EIF2D: variants seen among roughly 807,000 people sequenced by gnomAD.
EIF2D encodes the protein eukaryotic translation initiation factor 2D, also known as hepatocellular carcinoma-associated antigen 56.
EIF2D carries 56 observed loss-of-function variants against 77.4 expected under a neutral mutation model. That is an observed-to-expected ratio of 0.72 (90% CI 0.58 to 0.90). The LOEUF is 0.90. Ranked by LOEUF, EIF2D falls within the 40% of genes least tolerant of loss-of-function variation. The probability of loss-of-function intolerance (pLI) is 0.00; values close to 1 mark genes in which losing one functional copy is unlikely to be tolerated. For missense variants in EIF2D, 574 were observed against 706.5 expected, an observed-to-expected ratio of 0.81 and a Z score of 2.13; for synonymous variants, 230 against 271.0, an observed-to-expected ratio of 0.85 and a Z score of 1.49.
intron 11 of EIF2D, among the ~76,000 whole-genome samples, chr1:206,598,262 C>A (rs1165021301): frequency 6.6e-6 from 1 of 151,630 alleles, no homozygotes; most frequent in Non-Finnish European, 1.5e-5. Context: ...GGTCTCAAAC[C>A]CCTGGCCTCA....
downstream of EIF2D, among the ~76,000 whole-genome samples, chr1:206,589,796 AT>A (rs556741524): frequency 1.0e-3 from 158 of 152,344 alleles, 3 homozygotes; most frequent in South Asian, 0.015. Flanking sequence ...AAATAACCAC[AT>A]TAAATTATTA....
intron 5 of EIF2D, 175 bp from the exon 6 acceptor site, chr1:206,603,379 T>A: frequency 1.3e-6 from 1 of 755,192 alleles, no homozygotes; most frequent in Admixed American, 3.0e-5. Context: ...TCTGGGCCCC[T>A]AAAAGTTCCA....
rs782708574 is a variant in EIF2D at position 206,611,180 on chromosome 1, A to C, written c.247+4T>G. The C allele has an allele frequency of 1.2e-6, 2 of 1,609,742 alleles. No individual in the cohort carries two copies. Among genetic ancestry groups the C allele is most frequent in the African/African-American group, 2.7e-5 (2 of 74,872 alleles). ...TAATGGCCATCTTCGTCCTGTTGTCATACCTGTTGGATACAGATTTTTCTC... is the reference window on the plus strand; with the variant it reads ...TAATGGCCATCTTCGTCCTGTTGTCCTACCTGTTGGATACAGATTTTTCTC... On this transcript the variant is annotated splice_donor_region_variant and intron_variant, in intron 2 of 14. Transcript: ENST00000271764.
At chr1:206,608,708 A>G (rs1670320021) in intron 3 of EIF2D, among the ~76,000 whole-genome samples, 1 of 152,184 alleles carries the variant, frequency 6.6e-6, no homozygotes. Context: ...CAGAAGTGGG[A>G]ACCTTGACTT....
chr1:206,590,515 G>T (rs1379323881), downstream of EIF2D, among the ~76,000 whole-genome samples: 3 of 152,208 alleles, frequency 2.0e-5, no homozygotes, highest in African/African-American at 7.2e-5. Context: ...ACTCTGGCAG[G>T]CCAAAGGCTT....
intron 8 of EIF2D, 129 bp downstream of exon 8, chr1:206,600,134 C>A: frequency 1.1e-6 from 1 of 947,198 alleles, no homozygotes; most frequent in Non-Finnish European, 1.6e-6. Flanking sequence ...CCCCCTTATA[C>A]TTGGAGTCAA....
At chr1:206,590,674 CCA>C (rs1225092232), downstream of EIF2D, among the ~76,000 whole-genome samples, 1 of 152,156 alleles carries the variant, frequency 6.6e-6, no homozygotes, top group Non-Finnish European at 1.5e-5. Context: ...GTAGGAGGCG[CCA>C]CACACACATT....
chr1:206,603,866 G>T (rs189114975), intron 5 of EIF2D, among the ~76,000 whole-genome samples: 10 of 152,318 alleles, frequency 6.6e-5, no homozygotes, highest in African/African-American at 2.2e-4. Context: ...TTAACTAATA[G>T]TTACGGCAAG....
chr1:206,608,162 TA>T, intron 4 of EIF2D, 73 bp downstream of exon 4: 2 of 1,412,124 alleles, frequency 1.4e-6, no homozygotes, highest in Non-Finnish European at 2.0e-6. Context: ...ATATGCTTTA[TA>T]AGTTGTCATT....
intron 2 of EIF2D, among the ~76,000 whole-genome samples, chr1:206,582,360 G>A (rs1447836935): frequency 6.6e-6 from 1 of 152,184 alleles, no homozygotes; most frequent in African/African-American, 2.4e-5. Flanking sequence ...TCTCACAGGA[G>A]GAACACAATG....
intron 7 of EIF2D, 74 bp from the exon 8 acceptor site, chr1:206,600,382 G>T: frequency 7.0e-7 from 1 of 1,423,080 alleles, no homozygotes; most frequent in Non-Finnish European, 9.8e-7. Context: ...TGAGAGGAGG[G>T]CCTTTTTCCT....
At chr1:206,612,166 C>A (rs1670528470) in intron 1 of EIF2D, 121 bp downstream of exon 1, 1 of 1,380,308 alleles carries the variant, frequency 7.2e-7, no homozygotes, top group Non-Finnish European at 1.0e-6. Context: ...GGTCCCTTCC[C>A]TGGCATACCC....
At chr1:206,609,491 A>G in intron 2 of EIF2D, 32 bp from the exon 3 acceptor site, 1 of 1,570,166 alleles carries the variant, frequency 6.4e-7, no homozygotes, top group East Asian at 2.2e-5. Flanking sequence ...AAACACTACT[A>G]CCAAAAAGCC....
At position 206,612,358 on chromosome 1, in the gene EIF2D, C is replaced by G; in HGVS notation, c.-16G>C. ...TGGCAAACATGTCTGCTGGGGTGGC[C>G]TGGGGAAGAGAGCACAGAAGCCAGG... On this transcript the variant is annotated 5_prime_UTR_variant, in exon 1 of 15. Transcript: ENST00000271764. The G allele has an allele frequency of 6.2e-7, 1 of 1,614,254 alleles. No individual in the cohort carries two copies. Among genetic ancestry groups the G allele is most frequent in the East Asian group, 2.2e-5 (1 of 44,888 alleles).
chr1:206,604,041 T>C (rs1432673012), intron 5 of EIF2D, among the ~76,000 whole-genome samples: 1 of 152,152 alleles, frequency 6.6e-6, no homozygotes, highest in Non-Finnish European at 1.5e-5. Flanking sequence ...AGACTGATAG[T>C]TAAACAACAA....
intron 13 of EIF2D, chr1:206,595,413 A>C (rs1258260415): frequency 5.4e-6 from 1 of 186,434 alleles, no homozygotes; most frequent in Admixed American, 5.8e-5. Context: ...AGGTGAAAGA[A>C]TATGTGGGAG....
chr1:206,590,922 A>T (rs1669321283), downstream of EIF2D, among the ~76,000 whole-genome samples: 1 of 152,230 alleles, frequency 6.6e-6, no homozygotes, highest in African/African-American at 2.4e-5. Flanking sequence ...CCATAAACTG[A>T]GCAGGGACCA....
Position 206,599,793 on chromosome 1 carries a change from T to C in EIF2D, c.992A>G (p.Gln331Arg), listed in dbSNP as rs782651039. The C allele has an allele frequency of 1.5e-5, 24 of 1,613,928 alleles. No homozygotes were observed. Among genetic ancestry groups the C allele is most frequent in the Non-Finnish European group, 1.9e-5 (22 of 1,180,004 alleles). The part of the protein sequence containing the change: ...LQQMQQEQII[Q>R]VKELSKGVES... ...CACCCCTTTGCTCAGCTCCTTCACC[T>C]GTATAATCTGCTCCTGCTGCATTTG... The change falls in exon 9 of 15, where the codon CAG becomes CGG. Residue 331 changes from glutamine to arginine, a missense_variant. Gln to Arg is a conservative substitution (Grantham distance 43, BLOSUM62 1). Transcript: ENST00000271764. This position sits in a 1 kb window ranked among gnomAD's most constrained non-coding sequence, Gnocchi z 4.1.
intron 5 of EIF2D, among the ~76,000 whole-genome samples, chr1:206,603,873 C>T (rs1670053200): frequency 6.6e-6 from 1 of 152,184 alleles, no homozygotes; most frequent in African/African-American, 2.4e-5. Context: ...ATAGTTACGG[C>T]AAGGCTTCTC....
Sources: gnomAD v4.1 joint callset for allele counts (sites outside exome capture counted in the v4.1 genomes callset) on GRCh38, gnomAD v4.1.1 for gene constraint, Gnocchi (gnomAD v3.1) non-coding constraint, MANE v1.5 for transcripts, NCBI Gene and HGNC (gene_info 2026-07-23, HGNC 2026-07-21) for gene names.